Variants in RREB1 observed in about 807,000 individuals in gnomAD.
RREB1 encodes the protein ras-responsive element-binding protein 1.
A neutral mutation model predicts 117.8 loss-of-function variants in RREB1; 27 were observed. The observed-to-expected ratio is 0.23, with a 90% CI of 0.17 to 0.32. The LOEUF (loss-of-function observed/expected upper bound fraction) is 0.32, where lower values mean the gene tolerates loss of function less well. Ranked by LOEUF, RREB1 falls within the 10% of genes least tolerant of loss-of-function variation. The pLI is 1.00. For synonymous variants in RREB1, 1,298 were observed against 1,026.7 expected (o/e 1.26, Z -5.05); for missense variants, 2,577 against 2,378.2 (o/e 1.08, Z -1.74).
At chr6:7,160,828 A>G (rs1258179271) in intron 1 of RREB1, among the ~76,000 whole-genome samples, 2 of 152,178 alleles carry the variant, frequency 1.3e-5, no homozygotes, top group Admixed American at 1.3e-4. Flanking sequence ...CTGGGATTAC[A>G]GGCACGCGCC....
Position 7,151,822 on chromosome 6 carries a change from A to G in RREB1, c.-284-24833A>G, listed in dbSNP as rs77417225. On this transcript the variant is annotated intron_variant, in intron 1 of 12. Transcript: ENST00000379938. ...CAGTGTGTAAAAGTCTGAAACCACA[A>G]ATCTTTTTGGACATTTTGGCTGTAT... 1.9e-3 allele frequency among the ~76,000 whole-genome samples: 289 copies of G among 152,338 alleles called. 9 individuals are homozygous for G. In the East Asian group the frequency reaches 0.046, roughly 24 times the overall value.
At chr6:7,195,830 G>A (rs1339946517) in intron 6 of RREB1, among the ~76,000 whole-genome samples, 1 of 152,156 alleles carries the variant, frequency 6.6e-6, no homozygotes, top group African/African-American at 2.4e-5. Context: ...CCCGTTTGAG[G>A]CCCTCCCTCA....
At chr6:7,128,732 G>T (rs562327586) in intron 1 of RREB1, among the ~76,000 whole-genome samples, 1 of 152,282 alleles carries the variant, frequency 6.6e-6, no homozygotes, top group Non-Finnish European at 1.5e-5. Context: ...ACTTTAGGAG[G>T]CCAAGGCGGG....
chr6:7,170,344 A>G (rs1421922045), intron 1 of RREB1, among the ~76,000 whole-genome samples: 1 of 152,004 alleles, frequency 6.6e-6, no homozygotes, highest in East Asian at 1.9e-4. Context: ...CCTTGAGGTC[A>G]TCTCCCTAAC....
At chr6:7,118,232 C>T (rs1246961001) in intron 1 of RREB1, among the ~76,000 whole-genome samples, 1 of 152,074 alleles carries the variant, frequency 6.6e-6, no homozygotes, top group Non-Finnish European at 1.5e-5. Context: ...GCGATTCTCC[C>T]ACCTCAGCCT....
chr6:7,176,486 T>C (rs1764506920), intron 1 of RREB1, among the ~76,000 whole-genome samples, 169 bp from the exon 2 acceptor site: 1 of 152,182 alleles, frequency 6.6e-6, no homozygotes, highest in South Asian at 2.1e-4. Flanking sequence ...TGGATGTTAA[T>C]GGGACAACTC....
Position 7,246,585 on chromosome 6 carries a change from C to T in RREB1, c.4135C>T (p.Arg1379Trp). The change falls in exon 12 of 13, where the codon CGG becomes TGG. Residue 1379 changes from arginine (R) to tryptophan (W), a missense_variant. Transcript: ENST00000379938. Reference protein sequence around the residue: ...ATAETASPVHREEHGRGESHE... With the variant: ...ATAETASPVHWEEHGRGESHE... Reference sequence around the variant, plus strand: ...GGCGGAAACGGCCTCGCCGGTGCACCGGGAAGAGCACGGGCGTGGGGAGAG... The same window carrying T: ...GGCGGAAACGGCCTCGCCGGTGCACTGGGAAGAGCACGGGCGTGGGGAGAG... 3 of 1,553,746 alleles carry T rather than the reference C, an allele frequency of 1.9e-6. No homozygotes were observed. Among genetic ancestry groups the T allele is most frequent in the Non-Finnish European group, 1.7e-6 (2 of 1,149,092 alleles).
chr6:7,181,162 AAC>A lies in RREB1; in HGVS notation c.-123_-122del. 1 of 398,638 alleles carries A rather than the reference AAC, an allele frequency of 2.5e-6. No individual in the cohort carries two copies. The highest frequency in any genetic ancestry group is 4.4e-6 in the Non-Finnish European group (1 of 226,084). The allele number at this position is 398,638 out of a possible 1,614,324, so 24.7% of individuals were successfully genotyped here. A position where few individuals can be genotyped will look rare whatever the true frequency, so the allele number is the denominator to read the frequency against. On this transcript the variant is annotated 5_prime_UTR_variant, in exon 3 of 13. Transcript: ENST00000379938. ...TACCAAGAGAAGAAGACAAGAGGTC[AAC>A]ACAGACTCATTTTCTACTCCGTGTG... is the stretch of plus-strand genomic sequence containing the variant.
chr6:7,187,685 C>T (rs1765159800), intron 5 of RREB1, 162 bp downstream of exon 5: 1 of 330,908 alleles, frequency 3.0e-6, no homozygotes, highest in Non-Finnish European at 5.2e-6. Context: ...ACCTTCGGAC[C>T]AGCCTATTTT....
At chr6:7,202,243 G>C (rs528690178) in intron 6 of RREB1, among the ~76,000 whole-genome samples, 1 of 152,156 alleles carries the variant, frequency 6.6e-6, no homozygotes. Context: ...GGCCCCACCC[G>C]TGCATTTCTT....
intron 8 of RREB1, among the ~76,000 whole-genome samples, chr6:7,225,309 T>C (rs1767520790): frequency 6.6e-6 from 1 of 152,168 alleles, no homozygotes; most frequent in Admixed American, 6.5e-5. Flanking sequence ...GGAAACATAC[T>C]GTGTCTGTGC....
intron 1 of RREB1, among the ~76,000 whole-genome samples, chr6:7,144,713 T>A (rs951141011): frequency 6.6e-6 from 1 of 152,192 alleles, no homozygotes; most frequent in East Asian, 1.9e-4. Context: ...CAACAACTGG[T>A]TCAAATTGTC....
At chr6:7,238,838 A>G (rs536784274) in intron 10 of RREB1, among the ~76,000 whole-genome samples, 3 of 152,284 alleles carry the variant, frequency 2.0e-5, no homozygotes, top group Admixed American at 6.5e-5. Flanking sequence ...GAGATTTGTA[A>G]GCATCATCTT....
In RREB1 at chr6:7,231,276, A is replaced by G. The variant is rs368518533; in HGVS notation, c.3177A>G (p.Thr1059=). 5.5e-5 allele frequency: 88 copies of G among 1,610,086 alleles called. 1 individual carries two copies. In the African/African-American group the frequency reaches 1.1e-3, roughly 21 times the overall value. The change falls in exon 10 of 13, where the codon ACA becomes ACG. Residue 1059 remains threonine (T), a synonymous_variant. Coordinates refer to ENST00000379938, the MANE Select transcript of RREB1 (RefSeq NM_001003699.4). ...TGCTTTTGCCAAAGCCCCCCGTGAC[A>G]GAAGAGCTGCCCCCGCTGGCCTCCA... ...PPLLLPKPPV[T]EELPPLASIA...
intron 8 of RREB1, among the ~76,000 whole-genome samples, chr6:7,224,309 C>G (rs549074506): frequency 6.6e-6 from 1 of 151,876 alleles, no homozygotes; most frequent in African/African-American, 2.4e-5. Flanking sequence ...TAAAAGGAAC[C>G]TTTTTAAAAA....
chr6:7,214,881 T>C (rs563981535), intron 8 of RREB1: 4 of 152,356 alleles, frequency 2.6e-5, no homozygotes, highest in African/African-American at 9.6e-5. Flanking sequence ...CAAACTCATA[T>C]AAATCTCAAC....
chr6:7,189,170 C>T lies in RREB1; in HGVS notation c.273C>T (p.Asp91=), dbSNP rs753424303. The change falls in exon 6 of 13, where the codon GAC becomes GAT. Residue 91 remains aspartate, a synonymous_variant. Coordinates refer to ENST00000379938, the MANE Select transcript of RREB1 (RefSeq NM_001003699.4). Reference sequence around the variant, plus strand: ...ATTGCTTTCTGCAGCACAACACAGACACTGGAGGAGCCGACCACTCATGCA... The same window carrying T: ...ATTGCTTTCTGCAGCACAACACAGATACTGGAGGAGCCGACCACTCATGCA... ...LTMHIRQHNT[D]TGGADHSCSI... 1.9e-6 allele frequency: 3 copies of T among 1,612,994 alleles called. No individual in the cohort carries two copies. Among genetic ancestry groups the T allele is most frequent in the Middle Eastern group, 3.3e-4 (2 of 6,062 alleles).
intron 4 of RREB1, among the ~76,000 whole-genome samples, chr6:7,182,431 G>T (rs1189944395): frequency 6.6e-6 from 1 of 152,166 alleles, no homozygotes; most frequent in Non-Finnish European, 1.5e-5. Flanking sequence ...CTATTTTTAA[G>T]TATCTTCAGA....
Position 7,231,203 on chromosome 6 carries a change from T to G in RREB1, c.3104T>G (p.Leu1035Arg). ...SSPPLVGSSA[L>R]LSGTALLRPL... is the part of the protein sequence containing the mutation. ...CCTCCACTCGTGGGCAGCTCAGCCC[T>G]CCTGAGTGGCACAGCCTTGCTGCGT... is the stretch of plus-strand genomic sequence containing the variant. Residue 1035 changes from leucine (L) to arginine (R), a missense_variant, in exon 10 of 13, where the codon CTC becomes CGC. Physicochemically the swap from Leu to Arg is moderately radical, Grantham distance 102 (BLOSUM62 -2). Coordinates refer to ENST00000379938, the MANE Select transcript of RREB1 (RefSeq NM_001003699.4). 6.2e-7 allele frequency: 1 copy of G among 1,612,000 alleles called. No individual in the cohort carries two copies. The highest frequency in any genetic ancestry group is 8.5e-7 in the Non-Finnish European group (1 of 1,179,528).
Sources: gnomAD v4.1 joint callset for allele counts (sites outside exome capture counted in the v4.1 genomes callset) on GRCh38, gnomAD v4.1.1 for gene constraint, MANE v1.5 for transcripts, NCBI Gene and HGNC (gene_info 2026-07-23, HGNC 2026-07-21) for gene names.